The following CPED1 variants were observed in gnomAD, a reference collection of about 807,000 sequenced individuals.
The protein encoded by CPED1 is cadherin-like and PC-esterase domain-containing protein 1.
A neutral mutation model predicts 128.2 loss-of-function variants in CPED1; 114 were observed. The ratio of observed to expected loss-of-function variants is 0.89; its 90% CI spans 0.76 to 1.04. The LOEUF is 1.04. Ranked by LOEUF, CPED1 falls within the 50% of genes least tolerant of loss-of-function variation. The probability of loss-of-function intolerance (pLI) is 0.00; values close to 1 mark genes in which losing one functional copy is unlikely to be tolerated. For synonymous variants in CPED1, 462 were observed against 426.7 expected, an observed-to-expected ratio of 1.08 and a Z score of -1.02; for missense variants, 1,211 against 1,207.1, an observed-to-expected ratio of 1.00 and a Z score of -0.05.
chr7:121,269,111 G>A (rs1364721498), intron 21 of CPED1, among the ~76,000 whole-genome samples: 1 of 151,970 alleles, frequency 6.6e-6, no homozygotes, highest in Non-Finnish European at 1.5e-5. Context: ...ACAAGTAAGT[G>A]TAGCAAGCGT....
At chr7:121,023,947 T>C (rs1302297441) in intron 3 of CPED1, among the ~76,000 whole-genome samples, 1 of 152,180 alleles carries the variant, frequency 6.6e-6, no homozygotes, top group Non-Finnish European at 1.5e-5. Flanking sequence ...TTTTTCATTA[T>C]GCAAGTAATA....
chr7:121,131,270 CT>C (rs1306488465), intron 12 of CPED1, among the ~76,000 whole-genome samples: 1 of 151,890 alleles, frequency 6.6e-6, no homozygotes, highest in African/African-American at 2.4e-5. Context: ...CAGAATTCAC[CT>C]TATTTGCCAT....
In CPED1 at chr7:121,111,665, C is replaced by G. The variant is rs554824553; in HGVS notation, c.918+11571C>G. 4.6e-5 allele frequency among the ~76,000 whole-genome samples: 7 copies of G among 152,156 alleles called. 1 individual carries two copies. In the South Asian group the frequency reaches 1.5e-3, roughly 32 times the overall value. On this transcript the variant is annotated intron_variant, in intron 7 of 22. Coordinates refer to ENST00000310396, the MANE Select transcript of CPED1 (RefSeq NM_024913.5). ...TTAGAGAAGTTTGAAACAAATAACT[C>G]AATCAGAATCAGCAAGGCTTAAGTT...
chr7:121,010,729 G>A (rs528932925), intron 2 of CPED1, among the ~76,000 whole-genome samples: 2 of 152,194 alleles, frequency 1.3e-5, no homozygotes, highest in South Asian at 2.1e-4. Flanking sequence ...GAAATGTGTA[G>A]CCCTCCCATC....
chr7:121,205,512 G>C (rs979557784), intron 16 of CPED1, among the ~76,000 whole-genome samples: 3 of 151,808 alleles, frequency 2.0e-5, no homozygotes, highest in African/African-American at 4.8e-5. Context: ...TTCTAGTGTT[G>C]TTTTTGTTGT....
chr7:121,029,279 T>C (rs1792672102), intron 3 of CPED1, among the ~76,000 whole-genome samples: 1 of 152,164 alleles, frequency 6.6e-6, no homozygotes, highest in Non-Finnish European at 1.5e-5. Context: ...ATTTGTGTTA[T>C]CAAAATTCTA....
At chr7:121,016,391 TGA>T (rs1792301390) in intron 3 of CPED1, among the ~76,000 whole-genome samples, 1 of 152,204 alleles carries the variant, frequency 6.6e-6, no homozygotes, top group Admixed American at 6.5e-5. Flanking sequence ...GAGTAAATAA[TGA>T]GAGTCAAAAG....
chr7:121,233,226 C>A (rs1584617808), intron 16 of CPED1, among the ~76,000 whole-genome samples: 1 of 152,104 alleles, frequency 6.6e-6, no homozygotes, highest in African/African-American at 2.4e-5. Flanking sequence ...AGAACTATGA[C>A]AATCTACTCT....
At chr7:120,999,377 A>G (rs940650575) in intron 2 of CPED1, among the ~76,000 whole-genome samples, 2 of 152,156 alleles carry the variant, frequency 1.3e-5, no homozygotes, top group African/African-American at 4.8e-5. Context: ...TCCTTAGCCT[A>G]TAAACATTCT....
chr7:120,994,660 T>TGTGTG (rs60506801), intron 2 of CPED1, among the ~76,000 whole-genome samples: 34 of 127,394 alleles, frequency 2.7e-4, no homozygotes, highest in Middle Eastern at 3.9e-3. Flanking sequence ...TGTGTGTGTG[T>TGTGTG]TGTTGTTGTT....
chr7:121,209,333 G>A (rs1797593577), intron 16 of CPED1, among the ~76,000 whole-genome samples: 1 of 151,956 alleles, frequency 6.6e-6, no homozygotes, highest in African/African-American at 2.4e-5. Flanking sequence ...GATAGTTAAA[G>A]ATATGTCATC....
intron 16 of CPED1, among the ~76,000 whole-genome samples, chr7:121,183,501 C>A (rs1374461002): frequency 6.6e-6 from 1 of 152,102 alleles, no homozygotes; most frequent in South Asian, 2.1e-4. Flanking sequence ...AGATGACTGA[C>A]AGTCTTCTGT....
intron 18 of CPED1, among the ~76,000 whole-genome samples, chr7:121,244,914 G>A (rs1363252756): frequency 2.0e-5 from 3 of 152,172 alleles, no homozygotes; most frequent in Admixed American, 6.5e-5. Context: ...GACATGCAGT[G>A]TCTTCTTGCT....
At chr7:121,230,845 T>C (rs1221092548) in intron 16 of CPED1, among the ~76,000 whole-genome samples, 2 of 152,052 alleles carry the variant, frequency 1.3e-5, no homozygotes, top group Admixed American at 6.6e-5. Flanking sequence ...TTATTAGTGT[T>C]CTCTTTAGGA....
At position 121,105,109 on chromosome 7, in the gene CPED1, C is replaced by T. The variant is rs114719786; in HGVS notation, c.918+5015C>T. 1.8e-3 allele frequency among the ~76,000 whole-genome samples: 271 copies of T among 152,160 alleles called. 2 individuals are homozygous for T. The highest frequency in any genetic ancestry group is 6.4e-3 in the African/African-American group (264 of 41,530). On this transcript the variant is annotated intron_variant, in intron 7 of 22. Transcript: ENST00000310396. Reference sequence around the variant, plus strand: ...CTCCAGTGCTTGCAGTTCCCTCTCACATCAATACAATCAGCAAATGTGCAC... The same window carrying T: ...CTCCAGTGCTTGCAGTTCCCTCTCATATCAATACAATCAGCAAATGTGCAC...
chr7:121,060,322 G>A (rs1263861769), intron 4 of CPED1, among the ~76,000 whole-genome samples: 1 of 152,260 alleles, frequency 6.6e-6, no homozygotes, highest in Non-Finnish European at 1.5e-5. Context: ...AGGAGTGCGG[G>A]CGCACGGCGC....
At chr7:121,183,736 A>G (rs892353796) in intron 16 of CPED1, among the ~76,000 whole-genome samples, 10 of 152,314 alleles carry the variant, frequency 6.6e-5, no homozygotes, top group African/African-American at 1.9e-4. Flanking sequence ...TTTTGCTTTC[A>G]ATGCTGGTTT....
At chr7:121,027,933 A>G (rs1006569899) in intron 3 of CPED1, among the ~76,000 whole-genome samples, 1 of 152,000 alleles carries the variant, frequency 6.6e-6, no homozygotes, top group Admixed American at 6.6e-5. Context: ...TAAACAAGCG[A>G]TTAAGGGATG....
At chr7:121,053,576 G>A (rs2721336) in intron 4 of CPED1, among the ~76,000 whole-genome samples, 119,811 of 152,062 alleles carry the variant, frequency 0.79, 47,365 homozygotes, top group Admixed American at 0.86. Context: ...TAATTCATAA[G>A]CATCTTGGGA....
Sources: gnomAD v4.1 joint callset for allele counts (sites outside exome capture counted in the v4.1 genomes callset) on GRCh38, gnomAD v4.1.1 for gene constraint, MANE v1.5 for transcripts, NCBI Gene and HGNC (gene_info 2026-07-23, HGNC 2026-07-21) for gene names.